Variants in PIEZO2 observed in about 807,000 individuals in gnomAD.
The protein encoded by PIEZO2 is piezo-type mechanosensitive ion channel component 2.
PIEZO2 carries 172 observed loss-of-function variants against 337.3 expected under a neutral mutation model. The observed-to-expected ratio is 0.51, with a 90% CI of 0.45 to 0.58. PIEZO2 has a LOEUF of 0.58. Among genes scored for constraint, PIEZO2 ranks in the 20% least tolerant of loss-of-function variants. The pLI is 0.00. For missense variants in PIEZO2, 3,028 were observed against 3,391.3 expected (o/e 0.89, Z 2.66); for synonymous variants, 1,251 against 1,228.5 (o/e 1.02, Z -0.38).
At chr18:10,818,344 G>A (rs1292102662) in intron 7 of PIEZO2, among the ~76,000 whole-genome samples, 2 of 152,216 alleles carry the variant, frequency 1.3e-5, no homozygotes, top group South Asian at 2.1e-4. Context: ...AAGTTAATAT[G>A]TAGCCCATTT....
chr18:10,923,589 T>G (rs1753809927), intron 3 of PIEZO2, among the ~76,000 whole-genome samples: 1 of 151,432 alleles, frequency 6.6e-6, no homozygotes, highest in Admixed American at 6.6e-5. Flanking sequence ...TGTAAGTTAA[T>G]ATTTGCTTCA....
intron 1 of PIEZO2, among the ~76,000 whole-genome samples, chr18:11,130,095 T>C (rs2040299523): frequency 6.6e-6 from 1 of 152,134 alleles, no homozygotes; most frequent in Non-Finnish European, 1.5e-5. Flanking sequence ...CAATATCAAA[T>C]CCCTGGAGGG....
chr18:11,014,520 C>T (rs1433953362), intron 2 of PIEZO2, among the ~76,000 whole-genome samples: 1 of 149,250 alleles, frequency 6.7e-6, no homozygotes, highest in African/African-American at 2.5e-5. Context: ...GGGCATTTCA[C>T]CCTGTGTGGG....
Position 11,099,031 on chromosome 18 carries a change from T to C in PIEZO2, c.65-32809A>G, listed in dbSNP as rs1191882195. Among the ~76,000 whole-genome samples, 1 of 151,582 alleles carries C rather than the reference T, an allele frequency of 6.6e-6. No homozygotes were observed. Among genetic ancestry groups the C allele is most frequent in the Non-Finnish European group, 1.5e-5 (1 of 67,942 alleles). ...TGTTGCCTAGGCTGTCTCAAACTCC[T>C]TGGCTCAAGAGATCCTCTTGCCTCA... On this transcript the variant is annotated intron_variant, in intron 1 of 55. Transcript: ENST00000674853. This position sits in a 1 kb window ranked among gnomAD's most constrained non-coding sequence, Gnocchi z 5.4.
chr18:10,721,812 GTCTA>G (rs990150262), intron 36 of PIEZO2, among the ~76,000 whole-genome samples: 7 of 152,144 alleles, frequency 4.6e-5, no homozygotes, highest in African/African-American at 1.7e-4. Context: ...TAACGTAATT[GTCTA>G]TCCATCTAAA....
Position 10,773,893 on chromosome 18 carries a change from A to G in PIEZO2, c.2567+113T>C. On this transcript the variant is annotated intron_variant, in intron 19 of 55. Transcript: ENST00000674853. The surrounding 1 kb of genome is among the most constrained non-coding windows in gnomAD (Gnocchi z 5.3). ...GATTAGTTGGTAATGAGAGCTATCA[A>G]CACCTAAACTTGACATTTTTCCCAG... 1 of 651,758 alleles carries G rather than the reference A, an allele frequency of 1.5e-6. No individual in the cohort carries two copies. The highest frequency in any genetic ancestry group is 2.5e-5 in the Admixed American group (1 of 40,270). The allele number at this position is 651,758 out of a possible 1,614,324, so 40.4% of individuals were successfully genotyped here.
In PIEZO2 at chr18:11,137,134, G is replaced by A. The variant is rs77706331; in HGVS notation, c.64+11391C>T. Among the ~76,000 whole-genome samples the A allele has an allele frequency of 1.6e-3, 236 of 152,184 alleles. 2 individuals carry two copies. In the East Asian group the frequency reaches 0.038, roughly 24 times the overall value. On this transcript the variant is annotated intron_variant, in intron 1 of 55. Transcript: ENST00000674853. ...ATGATTCTGTATTAGGAGCAGGTGA[G>A]GGAGGATCATCGAAATATTAGAAGC... is the stretch of plus-strand genomic sequence containing the variant.
chr18:11,106,420 T>C (rs867719441), intron 1 of PIEZO2, among the ~76,000 whole-genome samples: 74 of 142,696 alleles, frequency 5.2e-4, no homozygotes, highest in South Asian at 6.7e-4. Flanking sequence ...TCCTCTCTCT[T>C]TTTTTTTTTT....
chr18:10,948,487 G>C (rs1188668514), intron 3 of PIEZO2, among the ~76,000 whole-genome samples: 1 of 152,138 alleles, frequency 6.6e-6, no homozygotes, highest in African/African-American at 2.4e-5. Context: ...TTAATTTGTT[G>C]CATTGATGAT....
chr18:10,871,490 G>A lies in PIEZO2; in HGVS notation c.330-75C>T, dbSNP rs867549569. 32 of 1,337,644 alleles carry A rather than the reference G, an allele frequency of 2.4e-5. No individual in the cohort carries two copies. The Middle Eastern group carries it at 2.2e-3, about 92-fold the overall frequency. 82.9% of individuals were successfully genotyped at this position (1,337,644 alleles called of 1,614,324 possible). A position where few individuals can be genotyped will look rare whatever the true frequency, so the allele number is the denominator to read the frequency against. ...CTACGGTTAAACTGCCTTATAGGAT[G>A]TTTTGGTCTTCTTAATGATTTAAAA... On this transcript the variant is annotated intron_variant, in intron 4 of 55. Coordinates refer to ENST00000674853, the MANE Select transcript of PIEZO2 (RefSeq NM_001378183.1).
At chr18:10,997,128 T>C (rs2035352442) in intron 2 of PIEZO2, among the ~76,000 whole-genome samples, 2 of 151,922 alleles carry the variant, frequency 1.3e-5, no homozygotes. Context: ...ACGGTGCATG[T>C]TCAAGAGAGA....
At position 11,077,512 on chromosome 18, in the gene PIEZO2, A is replaced by C. The variant is rs1459765292; in HGVS notation, c.65-11290T>G. Among the ~76,000 whole-genome samples, 3 of 152,150 alleles carry C rather than the reference A, an allele frequency of 2.0e-5. No individual in the cohort carries two copies. The highest frequency in any genetic ancestry group is 4.4e-5 in the Non-Finnish European group (3 of 68,026). On this transcript the variant is annotated intron_variant, in intron 1 of 55. Transcript: ENST00000674853. This position sits in a 1 kb window ranked among gnomAD's most constrained non-coding sequence, Gnocchi z 4.8. ...TGAGACCCCCATCTCCACACAAAAA[A>C]AGAAAAAACTAGCTGGGCATGGTGG...
intron 39 of PIEZO2, among the ~76,000 whole-genome samples, chr18:10,711,929 G>A (rs1319342247): frequency 1.3e-5 from 2 of 152,180 alleles, no homozygotes; most frequent in African/African-American, 2.4e-5. Context: ...ATACAGAGCA[G>A]TACAGTCCAA....
At chr18:10,790,069 G>C (rs1255019904) in intron 14 of PIEZO2, among the ~76,000 whole-genome samples, 1 of 152,152 alleles carries the variant, frequency 6.6e-6, no homozygotes, top group Admixed American at 6.5e-5. Context: ...TGAAAATCAA[G>C]TGAGGGCTCA....
At chr18:10,924,867 AGT>A (rs562744218) in intron 3 of PIEZO2, among the ~76,000 whole-genome samples, 66 of 152,348 alleles carry the variant, frequency 4.3e-4, no homozygotes, top group Middle Eastern at 6.8e-3. Flanking sequence ...CCTTGCCAGA[AGT>A]GTGTGCCAAA....
chr18:10,918,509 AG>A (rs1361006749), intron 3 of PIEZO2, among the ~76,000 whole-genome samples: 1 of 152,004 alleles, frequency 6.6e-6, no homozygotes, highest in African/African-American at 2.4e-5. Flanking sequence ...TATTATGTGA[AG>A]GGTGGGTGAT....
intron 47 of PIEZO2, among the ~76,000 whole-genome samples, chr18:10,694,116 C>T (rs2034981188): frequency 6.6e-6 from 1 of 151,934 alleles, no homozygotes; most frequent in Admixed American, 6.6e-5. Context: ...TATCCCAATT[C>T]TACTTTCCTT....
chr18:11,123,412 G>C (rs2040084663), intron 1 of PIEZO2, among the ~76,000 whole-genome samples: 1 of 152,160 alleles, frequency 6.6e-6, no homozygotes, highest in African/African-American at 2.4e-5. Context: ...TAAATTTCTA[G>C]ACAAGTAAAA....
At chr18:10,729,453 C>T (rs147650034) in intron 36 of PIEZO2, among the ~76,000 whole-genome samples, 48 of 151,878 alleles carry the variant, frequency 3.2e-4, no homozygotes, top group Non-Finnish European at 4.7e-4. Flanking sequence ...GGTGAAACTC[C>T]GTCTCTACTA....
Sources: allele counts gnomAD v4.1 joint callset (sites outside exome capture counted in the v4.1 genomes callset), GRCh38; gene constraint gnomAD v4.1.1; non-coding constraint Gnocchi (gnomAD v3.1); transcripts MANE v1.5; gene names NCBI Gene and HGNC (gene_info 2026-07-23, HGNC 2026-07-21).